Variants in SLC4A8 observed in about 807,000 individuals in gnomAD.
SLC4A8 encodes the protein electroneutral sodium bicarbonate exchanger 1.
In SLC4A8, 40 loss-of-function variants were observed where a neutral mutation model predicts 125.0. The ratio of observed to expected loss-of-function variants is 0.32; its 90% CI spans 0.25 to 0.42. The LOEUF (loss-of-function observed/expected upper bound fraction) is 0.42. SLC4A8 is among the 10% of genes least tolerant of loss of function. The pLI is 1.00. For missense variants in SLC4A8, 863 were observed against 1,355.1 expected, an observed-to-expected ratio of 0.64 and a Z score of 5.70; for synonymous variants, 456 against 476.0, an observed-to-expected ratio of 0.96 and a Z score of 0.55.
intron 1 of SLC4A8, among the ~76,000 whole-genome samples, chr12:51,399,797 C>T (rs147830528): frequency 0.027 from 4,072 of 152,164 alleles, 187 homozygotes; most frequent in African/African-American, 0.091. Flanking sequence ...TCTTGGCCAA[C>T]ATGGTGAAAC....
In SLC4A8 at chr12:51,471,416, A is replaced by G. The variant is rs781492919; in HGVS notation, c.1788A>G (p.Ala596=). 2 of 1,614,196 alleles carry G rather than the reference A, an allele frequency of 1.2e-6. No homozygotes were observed. The highest frequency in any genetic ancestry group is 1.1e-5 in the South Asian group (1 of 91,084). ...VCYITRFTEE[A]FASLICIIFI... ...ACATTACCCGTTTCACTGAAGAAGC[A>G]TTTGCCTCCCTAATTTGCATTATTT... is the stretch of plus-strand genomic sequence containing the variant. The change falls in exon 14 of 25, where the codon GCA becomes GCG. Residue 596 remains alanine (A), a synonymous_variant. Coordinates refer to ENST00000453097, the MANE Select transcript of SLC4A8 (RefSeq NM_001039960.3).
intron 16 of SLC4A8, among the ~76,000 whole-genome samples, chr12:51,477,798 C>T (rs766443148): frequency 1.3e-5 from 2 of 152,148 alleles, no homozygotes; most frequent in Non-Finnish European, 2.9e-5. Context: ...CACTGATTAT[C>T]TGCTGTGACT....
intron 2 of SLC4A8, among the ~76,000 whole-genome samples, chr12:51,445,669 T>C (rs918037041): frequency 2.0e-5 from 3 of 152,076 alleles, no homozygotes; most frequent in Admixed American, 2.0e-4. Flanking sequence ...TTCCCCCTTC[T>C]TGGAATACTC....
intron 1 of SLC4A8, among the ~76,000 whole-genome samples, chr12:51,432,425 A>AAG (rs1412176492): frequency 2.1e-5 from 3 of 143,722 alleles, no homozygotes; most frequent in African/African-American, 7.8e-5. Flanking sequence ...AAAAAAAAAA[A>AAG]AAAGAAACCC....
intron 2 of SLC4A8, chr12:51,441,176 C>T (rs1949582199): frequency 4.1e-6 from 4 of 984,188 alleles, no homozygotes; most frequent in Non-Finnish European, 4.8e-6. Context: ...GTTTTAAAAA[C>T]TCATTTTGGC....
intron 1 of SLC4A8, among the ~76,000 whole-genome samples, chr12:51,410,446 G>A (rs1375558201): frequency 2.0e-5 from 3 of 151,338 alleles, no homozygotes; most frequent in East Asian, 3.9e-4. Context: ...TGCATCTGGT[G>A]TTGAAATTAA....
chr12:51,407,518 C>T (rs1948512150), intron 1 of SLC4A8, among the ~76,000 whole-genome samples: 2 of 152,046 alleles, frequency 1.3e-5, no homozygotes, highest in African/African-American at 2.4e-5. Context: ...ATCTGCCCAC[C>T]TTGGCCTCCC....
rs377110173 is a variant in SLC4A8, at chr12:51,507,446, T to G, written c.*8T>G. On this transcript the variant is annotated 3_prime_UTR_variant, in exon 25 of 25. Transcript: ENST00000453097. Reference sequence around the variant, plus strand: ...TTCAGTCTCTTCAACTAAGAGTCTTTGCTGGGATGGAAGATTTGGGCCGTG... The same window carrying G: ...TTCAGTCTCTTCAACTAAGAGTCTTGGCTGGGATGGAAGATTTGGGCCGTG... The G allele has an allele frequency of 5.3e-5, 74 of 1,393,742 alleles. No homozygotes were observed. In the South Asian group the frequency reaches 6.1e-4, roughly 12 times the overall value. The allele number at this position is 1,393,742 out of a possible 1,614,324, so 86.3% of individuals were successfully genotyped here.
intron 1 of SLC4A8, among the ~76,000 whole-genome samples, chr12:51,416,358 A>G (rs1040251288): frequency 6.6e-6 from 1 of 152,074 alleles, no homozygotes; most frequent in African/African-American, 2.4e-5. Flanking sequence ...CATAAGGACA[A>G]TAGGCTGGGC....
intron 11 of SLC4A8, chr12:51,466,460 C>G (rs776904400): frequency 6.6e-6 from 1 of 152,138 alleles, no homozygotes. Flanking sequence ...TAAAGCCCTC[C>G]AGGGAAGGGC....
chr12:51,457,608 T>A lies in SLC4A8; in HGVS notation c.763+69T>A, dbSNP rs575005274. 1.6e-4 allele frequency: 228 copies of A among 1,406,806 alleles called. 4 individuals are homozygous for A. The South Asian group carries it at 2.4e-3, about 15-fold the overall frequency. The allele number at this position is 1,406,806 out of a possible 1,614,324, so 87.1% of individuals were successfully genotyped here. A position where few individuals can be genotyped will look rare whatever the true frequency, so the allele number is the denominator to read the frequency against. ...TGGGAACTAGTTGGAGATGCTGACT[T>A]ACTAGGGGTGGGGGCTGTATTTGTC... On this transcript the variant is annotated intron_variant, in intron 6 of 24. Coordinates refer to ENST00000453097, the MANE Select transcript of SLC4A8 (RefSeq NM_001039960.3).
chr12:51,469,337 G>C (rs1485876144), intron 11 of SLC4A8, among the ~76,000 whole-genome samples: 2 of 151,974 alleles, frequency 1.3e-5, no homozygotes, highest in Admixed American at 1.3e-4. Context: ...ACTTGCTTTC[G>C]TGTTAATTTT....
intron 1 of SLC4A8, among the ~76,000 whole-genome samples, chr12:51,399,086 ATTTCAT>A (rs964519177): frequency 2.0e-5 from 3 of 152,168 alleles, no homozygotes; most frequent in African/African-American, 7.2e-5. Context: ...AAAATCACAA[ATTTCAT>A]TAGGATTGAA....
At chr12:51,469,544 A>C in intron 11 of SLC4A8, 70 bp from the exon 12 acceptor site, 1 of 1,392,280 alleles carries the variant, frequency 7.2e-7, no homozygotes, top group Non-Finnish European at 1.0e-6. Flanking sequence ...AATGCTTTCA[A>C]ATGTGTGCTG....
At chr12:51,463,887 T>C (rs955743219) in intron 11 of SLC4A8, among the ~76,000 whole-genome samples, 173 bp downstream of exon 11, 14 of 152,200 alleles carry the variant, frequency 9.2e-5, no homozygotes, top group African/African-American at 3.4e-4. Context: ...TCAAATATCG[T>C]ATTCATTCAT....
intron 1 of SLC4A8, among the ~76,000 whole-genome samples, chr12:51,429,092 A>G (rs1373919419): frequency 6.6e-6 from 1 of 151,746 alleles, no homozygotes; most frequent in African/African-American, 2.4e-5. Flanking sequence ...TTGTATTTTT[A>G]GTAGAGATGG....
upstream of SLC4A8, among the ~76,000 whole-genome samples, chr12:51,421,395 A>T (rs1948787047): frequency 1.3e-5 from 2 of 152,362 alleles, no homozygotes; most frequent in South Asian, 4.1e-4. Context: ...CCCAGATAGC[A>T]GCAGCCTTAG....
chr12:51,407,392 A>G (rs2137955659), intron 1 of SLC4A8, among the ~76,000 whole-genome samples: 1 of 152,182 alleles, frequency 6.6e-6, no homozygotes, highest in South Asian at 2.1e-4. Context: ...AGTAGCTGGC[A>G]CTACAGGCAT....
Position 51,469,653 on chromosome 12 carries a change from C to G in SLC4A8, c.1389C>G (p.Ala463=), listed in dbSNP as rs61736806. ...GGLVLDIKRK[A]PWYWSDYRDA... The stretch of plus-strand genomic sequence containing the variant: ...TGGTGCTGGACATCAAGCGGAAGGC[C>G]CCCTGGTACTGGAGCGACTACCGAG... The change falls in exon 12 of 25, where the codon GCC becomes GCG. Residue 463 remains alanine (A), a synonymous_variant. Coordinates refer to ENST00000453097, the MANE Select transcript of SLC4A8 (RefSeq NM_001039960.3). 22,908 of 1,608,494 alleles carry G rather than the reference C, an allele frequency of 0.014. 1,612 individuals are homozygous for G. The African/African-American group carries it at 0.18, about 13-fold the overall frequency.
Sources: allele counts gnomAD v4.1 joint callset (sites outside exome capture counted in the v4.1 genomes callset), GRCh38; gene constraint gnomAD v4.1.1; transcripts MANE v1.5; gene names NCBI Gene and HGNC (gene_info 2026-07-23, HGNC 2026-07-21).